PPARGC1A: variants seen among roughly 807,000 people sequenced by gnomAD.
The protein encoded by PPARGC1A is peroxisome proliferator-activated receptor gamma coactivator 1-alpha.
Under a neutral mutation model 88.7 loss-of-function variants are expected in PPARGC1A, and 25 were observed. The observed-to-expected ratio is 0.28, with a 90% CI of 0.21 to 0.39. PPARGC1A has a LOEUF of 0.39. PPARGC1A is among the 10% of genes least tolerant of loss of function. The pLI, the probability that PPARGC1A is intolerant of heterozygous loss-of-function variation, is 1.00. For synonymous variants in PPARGC1A, 363 were observed against 355.6 expected, an observed-to-expected ratio of 1.02 and a Z score of -0.24; for missense variants, 880 against 968.7, an observed-to-expected ratio of 0.91 and a Z score of 1.22.
At chr4:23,796,612 T>G (rs1717655294) in intron 12 of PPARGC1A, among the ~76,000 whole-genome samples, 1 of 152,200 alleles carries the variant, frequency 6.6e-6, no homozygotes, top group Admixed American at 6.6e-5. Context: ...TCACTGCTAC[T>G]TCAAATAGAC....
At chr4:24,023,800 TG>T in the PPARGC1A span, among the ~76,000 whole-genome samples, 1 of 151,140 alleles carries the variant, frequency 6.6e-6, no homozygotes, top group African/African-American at 2.4e-5. Context: ...CCCCAAACAC[TG>T]GAATACAAGG....
the PPARGC1A span, among the ~76,000 whole-genome samples, chr4:24,047,096 C>T: frequency 2.0e-5 from 3 of 152,158 alleles, no homozygotes; most frequent in Non-Finnish European, 4.4e-5. Flanking sequence ...ATTATTCATT[C>T]ATTATCCCTT....
At chr4:24,036,575 A>C in the PPARGC1A span, among the ~76,000 whole-genome samples, 4 of 152,184 alleles carry the variant, frequency 2.6e-5, no homozygotes, top group Admixed American at 6.5e-5. Context: ...GTGAATCACA[A>C]ATATATGTAA....
chr4:24,127,148 C>T, the PPARGC1A span, among the ~76,000 whole-genome samples: 2 of 152,140 alleles, frequency 1.3e-5, no homozygotes, highest in African/African-American at 4.8e-5. Flanking sequence ...ATCAAGAACA[C>T]CATGCCCTTT....
At chr4:24,246,065 G>C in the PPARGC1A span, among the ~76,000 whole-genome samples, 1 of 151,954 alleles carries the variant, frequency 6.6e-6, no homozygotes, top group South Asian at 2.1e-4. Flanking sequence ...AATAATGCTT[G>C]TTTTTCTGGT....
the PPARGC1A span, among the ~76,000 whole-genome samples, chr4:24,400,147 T>C: frequency 2.1e-4 from 32 of 152,148 alleles, no homozygotes; most frequent in African/African-American, 7.7e-4. Context: ...TGAAATACAC[T>C]TGTGATGGTT....
chr4:24,021,192 C>T, the PPARGC1A span, among the ~76,000 whole-genome samples: 5 of 152,306 alleles, frequency 3.3e-5, no homozygotes, highest in South Asian at 2.1e-4. Flanking sequence ...AGAGGCTCTG[C>T]GGACTGTGCA....
At chr4:24,006,358 TC>T in the PPARGC1A span, among the ~76,000 whole-genome samples, 7 of 152,308 alleles carry the variant, frequency 4.6e-5, no homozygotes, top group African/African-American at 1.7e-4. Context: ...CAGTTTTCTT[TC>T]CATGGGGAGT....
At chr4:24,447,927 T>C in the PPARGC1A span, among the ~76,000 whole-genome samples, 1 of 152,100 alleles carries the variant, frequency 6.6e-6, no homozygotes, top group Non-Finnish European at 1.5e-5. Flanking sequence ...AAAACACAGG[T>C]TTGCTTATTT....
the PPARGC1A span, among the ~76,000 whole-genome samples, chr4:24,432,988 G>C: frequency 6.6e-6 from 1 of 152,070 alleles, no homozygotes; most frequent in Non-Finnish European, 1.5e-5. Flanking sequence ...ATTTTCAGAC[G>C]AGACCCTAAA....
chr4:24,386,001 C>CT, the PPARGC1A span, among the ~76,000 whole-genome samples: 1 of 152,116 alleles, frequency 6.6e-6, no homozygotes, highest in African/African-American at 2.4e-5. Flanking sequence ...CAATAAAATG[C>CT]TGGCAAATTG....
the PPARGC1A span, among the ~76,000 whole-genome samples, chr4:24,427,363 C>T: frequency 6.6e-6 from 1 of 151,568 alleles, no homozygotes; most frequent in African/African-American, 2.4e-5. Context: ...TCACTGCAAC[C>T]TCCACCTCCT....
At chr4:24,426,142 C>A in the PPARGC1A span, among the ~76,000 whole-genome samples, 1 of 152,164 alleles carries the variant, frequency 6.6e-6, no homozygotes, top group Non-Finnish European at 1.5e-5. Flanking sequence ...GTCCTTATTT[C>A]TTCTTACAGA....
At chr4:24,272,654 T>G in the PPARGC1A span, among the ~76,000 whole-genome samples, 1 of 152,204 alleles carries the variant, frequency 6.6e-6, no homozygotes, top group East Asian at 1.9e-4. Context: ...TCCAAGATCC[T>G]CACACAAAGT....
the PPARGC1A span, among the ~76,000 whole-genome samples, chr4:24,053,479 A>G: frequency 2.3e-5 from 3 of 129,224 alleles, no homozygotes; most frequent in African/African-American, 5.2e-5. Context: ...CCTTAGGAGA[A>G]TCCTAAGGAA....
the PPARGC1A span, among the ~76,000 whole-genome samples, chr4:24,244,539 C>A: frequency 6.6e-6 from 1 of 152,202 alleles, no homozygotes; most frequent in African/African-American, 2.4e-5. Context: ...ATGTTCTCTG[C>A]CTCCCAATCC....
At chr4:24,009,150 A>AAG in the PPARGC1A span, among the ~76,000 whole-genome samples, 314 of 79,780 alleles carry the variant, frequency 3.9e-3, 32 homozygotes, top group Middle Eastern at 7.8e-3. Context: ...AAAAAAAAAA[A>AAG]AGAGAGAGAA....
chr4:24,229,062 C>T, the PPARGC1A span, among the ~76,000 whole-genome samples: 2 of 151,690 alleles, frequency 1.3e-5, no homozygotes, highest in Non-Finnish European at 2.9e-5. Flanking sequence ...ATTGGAATAA[C>T]CTGAAAAGCT....
chr4:24,316,846 G>A, the PPARGC1A span, among the ~76,000 whole-genome samples: 1 of 152,194 alleles, frequency 6.6e-6, no homozygotes, highest in Non-Finnish European at 1.5e-5. Context: ...GGGTATTCTT[G>A]AAGCCACTAT....
Sources: gnomAD v4.1 joint callset for allele counts (sites outside exome capture counted in the v4.1 genomes callset) on GRCh38, gnomAD v4.1.1 for gene constraint, MANE v1.5 for transcripts, NCBI Gene and HGNC (gene_info 2026-07-23, HGNC 2026-07-21) for gene names.